ORC4: variants seen among roughly 807,000 people sequenced by gnomAD.
The protein encoded by ORC4 is origin recognition complex, subunit 4 homolog.
In ORC4, 55 loss-of-function variants were observed where a neutral mutation model predicts 63.9. The ratio of observed to expected loss-of-function variants is 0.86; its 90% confidence interval spans 0.69 to 1.08. ORC4 has a LOEUF of 1.08. Ranked by LOEUF, ORC4 falls within the 50% of genes least tolerant of loss-of-function variation. The pLI is 0.00. For synonymous variants in ORC4, 150 were observed against 168.5 expected (o/e 0.89, Z 0.85); for missense variants, 511 against 504.4 (o/e 1.01, Z -0.13).
chr2:148,006,003 C>A (rs1047386728), intron 1 of ORC4, among the ~76,000 whole-genome samples: 2 of 152,008 alleles, frequency 1.3e-5, no homozygotes, highest in African/African-American at 4.8e-5. Flanking sequence ...AACACACTAA[C>A]AAACAAACAA....
At chr2:147,980,167 T>C (rs972942792) in intron 1 of ORC4, among the ~76,000 whole-genome samples, 4 of 152,256 alleles carry the variant, frequency 2.6e-5, no homozygotes, top group Non-Finnish European at 4.4e-5. Context: ...ATCCAAAATA[T>C]GTAGTCGCTC....
intron 5 of ORC4, 133 bp from the exon 6 acceptor site, chr2:147,958,516 C>G: frequency 1.5e-6 from 1 of 661,878 alleles, no homozygotes; most frequent in Non-Finnish European, 2.7e-6. Flanking sequence ...TAAAACTTAG[C>G]AATAAAGACA....
In ORC4 at chr2:147,935,686, A is replaced by G; in HGVS notation, c.1135T>C (p.Leu379=). Residue 379 remains leucine (L), a synonymous_variant, in exon 14 of 14, where the codon TTG becomes CTG. Transcript: ENST00000392857. ...GGCTTTATTAATTCTAATTGCTGCA[A>G]GTGTTCAAAAGCCTGAAAGATGAAA... ...KPVVMKAFEH[L]QQLELIKPME... 1 of 1,612,394 alleles carries G rather than the reference A, an allele frequency of 6.2e-7. No homozygotes were observed. Among genetic ancestry groups the G allele is most frequent in the East Asian group, 2.2e-5 (1 of 44,832 alleles).
At chr2:147,982,766 A>G (rs1446457347) in intron 1 of ORC4, among the ~76,000 whole-genome samples, 1 of 152,202 alleles carries the variant, frequency 6.6e-6, no homozygotes, top group African/African-American at 2.4e-5. Context: ...CTATATAATA[A>G]AGAATATTTC....
At chr2:148,010,550 G>C (rs1692902330) in intron 1 of ORC4, among the ~76,000 whole-genome samples, 1 of 151,988 alleles carries the variant, frequency 6.6e-6, no homozygotes, top group African/African-American at 2.4e-5. Flanking sequence ...GATCATTGGA[G>C]ACCATTTGAA....
At chr2:147,983,881 G>A (rs1691036904) in intron 1 of ORC4, among the ~76,000 whole-genome samples, 1 of 152,156 alleles carries the variant, frequency 6.6e-6, no homozygotes, top group African/African-American at 2.4e-5. Context: ...CCACACCAGA[G>A]GAATTAACAG....
chr2:147,935,850 C>A, intron 13 of ORC4, 152 bp from the exon 14 acceptor site: 2 of 646,596 alleles, frequency 3.1e-6, no homozygotes, highest in South Asian at 1.8e-5. Flanking sequence ...TAAAAAAACT[C>A]TCACAACCCC....
chr2:147,936,506 A>T (rs972650182), intron 13 of ORC4: 1 of 152,274 alleles, frequency 6.6e-6, no homozygotes, highest in African/African-American at 2.4e-5. Context: ...TTATATTCTT[A>T]CAACTCACTG....
intron 1 of ORC4, among the ~76,000 whole-genome samples, chr2:148,007,753 A>T (rs968403949): frequency 6.6e-6 from 1 of 152,218 alleles, no homozygotes; most frequent in Non-Finnish European, 1.5e-5. Context: ...CAACCCAAAT[A>T]AGATTACCTT....
chr2:147,946,434 C>T (rs1002920709), intron 9 of ORC4, among the ~76,000 whole-genome samples: 2 of 152,034 alleles, frequency 1.3e-5, no homozygotes, highest in African/African-American at 4.8e-5. Context: ...GTCTGTGAGG[C>T]ACTGAAAAGT....
At chr2:147,959,464 A>C (rs1338892930) in intron 4 of ORC4, among the ~76,000 whole-genome samples, 1 of 152,024 alleles carries the variant, frequency 6.6e-6, no homozygotes, top group African/African-American at 2.4e-5. Flanking sequence ...TATAGGTACT[A>C]TCATAAATAA....
intron 1 of ORC4, among the ~76,000 whole-genome samples, chr2:147,989,124 A>G (rs2100469): frequency 0.63 from 96,455 of 152,076 alleles, 31,521 homozygotes; most frequent in African/African-American, 0.8. Context: ...AAGGAGCATA[A>G]ATTCAAGTTG....
chr2:147,961,577 G>T (rs1689593668), intron 4 of ORC4, among the ~76,000 whole-genome samples: 1 of 151,952 alleles, frequency 6.6e-6, no homozygotes, highest in African/African-American at 2.4e-5. Context: ...TACAAAAGTA[G>T]CACAAGTCAA....
At chr2:147,995,684 T>G (rs375691059) in intron 1 of ORC4, among the ~76,000 whole-genome samples, 4 of 151,896 alleles carry the variant, frequency 2.6e-5, no homozygotes, top group African/African-American at 9.7e-5. Context: ...TAACACTCAC[T>G]GCGAAGGTCC....
chr2:148,011,863 T>C (rs1258457231), intron 1 of ORC4, among the ~76,000 whole-genome samples: 2 of 152,102 alleles, frequency 1.3e-5, no homozygotes. Flanking sequence ...CCATTTACAA[T>C]AGCTACAAAT....
intron 1 of ORC4, among the ~76,000 whole-genome samples, chr2:148,002,683 T>C (rs1232922380): frequency 6.6e-6 from 1 of 151,704 alleles, no homozygotes; most frequent in African/African-American, 2.4e-5. Context: ...ACCAACACCC[T>C]TACATCACAA....
chr2:148,006,917 G>A (rs1573893777), intron 1 of ORC4, among the ~76,000 whole-genome samples: 1 of 152,224 alleles, frequency 6.6e-6, no homozygotes, highest in African/African-American at 2.4e-5. Context: ...GGCCAGTACA[G>A]AGAAAGACTC....
chr2:147,993,745 A>G (rs1691769568), intron 1 of ORC4, among the ~76,000 whole-genome samples: 1 of 152,174 alleles, frequency 6.6e-6, no homozygotes, highest in African/African-American at 2.4e-5. Flanking sequence ...AGACAGCATT[A>G]TATGGCTTAG....
At position 147,930,730 on chromosome 2, in the gene ORC4, C is replaced by T. The variant is rs1166283527; in HGVS notation, c.*4780G>A. 6.6e-6 allele frequency: 1 copy of T among 152,396 alleles called. No homozygotes were observed. Among genetic ancestry groups the T allele is most frequent in the Non-Finnish European group, 1.5e-5 (1 of 67,964 alleles). The allele number at this position is 152,396 out of a possible 1,614,324, so 9.4% of individuals were successfully genotyped here. A position where few individuals can be genotyped will look rare whatever the true frequency, so the allele number is the denominator to read the frequency against. On this transcript the variant is annotated 3_prime_UTR_variant, in exon 14 of 14. Coordinates refer to ENST00000392857, the MANE Select transcript of ORC4 (RefSeq NM_181741.4). ...CAGAAAGCTTAAAATCCCCATAAAACCCCACCTTGGATAAGTGATTGTTAA... is the reference window on the plus strand; with the variant it reads ...CAGAAAGCTTAAAATCCCCATAAAATCCCACCTTGGATAAGTGATTGTTAA...
Sources: allele counts gnomAD v4.1 joint callset (sites outside exome capture counted in the v4.1 genomes callset), GRCh38; gene constraint gnomAD v4.1.1; transcripts MANE v1.5; gene names NCBI Gene and HGNC (gene_info 2026-07-23, HGNC 2026-07-21).